PLA2G4E: variants seen among roughly 807,000 people sequenced by gnomAD.
The protein encoded by PLA2G4E is phospholipase A2 group IVE.
PLA2G4E carries 84 observed loss-of-function variants against 109.1 expected under a neutral mutation model. The ratio of observed to expected loss-of-function variants is 0.77; its 90% CI spans 0.65 to 0.92. The LOEUF is 0.92. PLA2G4E is among the 40% of genes least tolerant of loss of function. The probability of loss-of-function intolerance (pLI) is 0.00; values close to 1 mark genes in which losing one functional copy is unlikely to be tolerated. For synonymous variants in PLA2G4E, 469 were observed against 436.1 expected, an observed-to-expected ratio of 1.08 and a Z score of -0.94; for missense variants, 1,057 against 1,076.6, an observed-to-expected ratio of 0.98 and a Z score of 0.25.
At chr15:42,000,593 G>C (rs74010960) in intron 7 of PLA2G4E, among the ~76,000 whole-genome samples, 2,588 of 152,338 alleles carry the variant, frequency 0.017, 77 homozygotes, top group African/African-American at 0.059. Flanking sequence ...GCCCACTGTA[G>C]AGGAGGCAGA....
exon 1 of PLA2G4E, chr15:42,050,592 A>G (rs1403898803): frequency 6.4e-7 from 1 of 1,550,544 alleles, no homozygotes; most frequent in Non-Finnish European, 8.7e-7. Context: ...GTATCCTCGA[A>G]CTCACTGAAA....
intron 1 of PLA2G4E, among the ~76,000 whole-genome samples, chr15:42,015,309 C>T (rs769318137): frequency 3.3e-5 from 5 of 152,296 alleles, no homozygotes; most frequent in South Asian, 2.1e-4. Context: ...AGAGTGTCGC[C>T]GGATCATCCT....
At chr15:42,001,350 G>T (rs1318163387) in intron 6 of PLA2G4E, 130 bp from the exon 7 acceptor site, 1 of 839,952 alleles carries the variant, frequency 1.2e-6, no homozygotes, top group Non-Finnish European at 1.9e-6. Context: ...GCTGGGGAAT[G>T]CAGAATGTGT....
chr15:42,045,919 G>A (rs1735690846), intron 1 of PLA2G4E, among the ~76,000 whole-genome samples: 1 of 151,470 alleles, frequency 6.6e-6, no homozygotes, highest in South Asian at 2.1e-4. Context: ...AAATGCCAAA[G>A]ACAGAGGCAC....
rs202066754 is a variant in PLA2G4E, at chr15:41,994,519, TTA to T, written c.1247+839_1247+840del. ...TTTTGATGGGCCCCACAAAAAATGT[TTA>T]TATGTTTTTTATTTTTGTTTTTTTT... On this transcript the variant is annotated intron_variant, in intron 12 of 19. Transcript: ENST00000399518. Among the ~76,000 whole-genome samples, 983 of 152,224 alleles carry T rather than the reference TTA, an allele frequency of 6.5e-3. 7 individuals carry two copies. Among genetic ancestry groups the T allele is most frequent in the African/African-American group, 0.023 (936 of 41,526 alleles).
intron 16 of PLA2G4E, among the ~76,000 whole-genome samples, 189 bp from the exon 17 acceptor site, chr15:41,987,564 C>G (rs976817276): frequency 7.9e-5 from 12 of 152,068 alleles, no homozygotes; most frequent in African/African-American, 2.9e-4. Context: ...ATGGAGTAAG[C>G]AGAGAGGTAG....
chr15:41,987,507 G>A (rs1744995506), intron 16 of PLA2G4E, 132 bp from the exon 17 acceptor site: 5 of 780,030 alleles, frequency 6.4e-6, no homozygotes, highest in Admixed American at 4.7e-5. Context: ...TCCTTGCTGG[G>A]CTCTCAAGGT....
exon 9 of PLA2G4E, chr15:41,999,973 G>A (rs769239931): frequency 6.2e-7 from 1 of 1,610,702 alleles, no homozygotes; most frequent in Admixed American, 1.7e-5. Flanking sequence ...TGGCTGATGG[G>A]GCCCTTCTTG....
chr15:41,994,444 C>T (rs942706649), intron 12 of PLA2G4E, among the ~76,000 whole-genome samples: 1 of 152,258 alleles, frequency 6.6e-6, no homozygotes, highest in South Asian at 2.1e-4. Flanking sequence ...CAGTCACAGA[C>T]AGGACACGGC....
At chr15:41,992,025 C>T (rs1161209150) in intron 13 of PLA2G4E, among the ~76,000 whole-genome samples, 1 of 152,176 alleles carries the variant, frequency 6.6e-6, no homozygotes, top group East Asian at 1.9e-4. Flanking sequence ...CTCACAGCAG[C>T]AGCCACCCAA....
intron 1 of PLA2G4E, among the ~76,000 whole-genome samples, chr15:42,039,478 A>G (rs1439671520): frequency 2.0e-5 from 3 of 152,184 alleles, no homozygotes; most frequent in Non-Finnish European, 4.4e-5. Context: ...TCAACAGAAT[A>G]GAATGAATAT....
At chr15:41,984,673 G>C (rs2068112539) in intron 18 of PLA2G4E, 54 bp from the exon 19 acceptor site, 2 of 1,449,790 alleles carry the variant, frequency 1.4e-6, no homozygotes, top group East Asian at 4.7e-5. Flanking sequence ...GAGTGGAGGA[G>C]AAGCACAGAG....
intron 1 of PLA2G4E, among the ~76,000 whole-genome samples, chr15:42,037,249 C>A (rs907730046): frequency 9.2e-5 from 14 of 152,230 alleles, no homozygotes; most frequent in Admixed American, 3.3e-4. Context: ...GCTGCCAGTC[C>A]TGTAGATCAG....
At chr15:41,991,324 C>T (rs888017228) in intron 13 of PLA2G4E, among the ~76,000 whole-genome samples, 2 of 152,208 alleles carry the variant, frequency 1.3e-5, no homozygotes, top group East Asian at 1.9e-4. Flanking sequence ...TCATCATATG[C>T]GGCACTCATG....
In PLA2G4E at chr15:41,989,476, G is replaced by A. The variant is rs376660105; in HGVS notation, c.1662C>T (p.Ser554=). 25 of 1,613,876 alleles carry A rather than the reference G, an allele frequency of 1.5e-5. No homozygotes were observed. In the African/African-American group the frequency reaches 1.9e-4, roughly 12 times the overall value. Residue 554 remains serine (S), a synonymous_variant, in exon 15 of 20, where the codon TCC becomes TCT. Transcript: ENST00000399518. ...TCACCAGCCGCCCCATGAAGAACTC[G>A]GAGCCGAAGAGCTCGGAGGGGATGA...
chr15:42,021,753 G>A (rs2068650775), intron 1 of PLA2G4E, among the ~76,000 whole-genome samples: 1 of 152,180 alleles, frequency 6.6e-6, no homozygotes, highest in African/African-American at 2.4e-5. Flanking sequence ...GCCTGACAAG[G>A]GCAGCTTTGC....
At chr15:42,044,671 T>C (rs1399781139) in intron 1 of PLA2G4E, among the ~76,000 whole-genome samples, 1 of 147,700 alleles carries the variant, frequency 6.8e-6, no homozygotes, top group Non-Finnish European at 1.5e-5. Context: ...CATTAGGAGA[T>C]ATACCTAATG....
intron 1 of PLA2G4E, among the ~76,000 whole-genome samples, chr15:42,032,576 T>C (rs893322615): frequency 6.6e-6 from 1 of 152,086 alleles, no homozygotes; most frequent in Non-Finnish European, 1.5e-5. Flanking sequence ...GAACACCGGG[T>C]GGGGAGACTT....
intron 1 of PLA2G4E, among the ~76,000 whole-genome samples, chr15:42,046,301 C>G (rs1354126967): frequency 6.6e-6 from 1 of 152,216 alleles, no homozygotes; most frequent in Admixed American, 6.5e-5. Context: ...TCTTTTGGAA[C>G]AAAATCAAAG....
Sources: gnomAD v4.1 joint callset for allele counts (sites outside exome capture counted in the v4.1 genomes callset) on GRCh38, gnomAD v4.1.1 for gene constraint, MANE v1.5 for transcripts, NCBI Gene and HGNC (gene_info 2026-07-23, HGNC 2026-07-21) for gene names.